The following MLLT1 variants were observed in gnomAD, a reference collection of about 807,000 sequenced individuals.
MLLT1 encodes the protein protein ENL.
MLLT1 carries 11 observed loss-of-function variants against 55.1 expected under a neutral mutation model. The ratio of observed to expected loss-of-function variants is 0.20; its 90% CI spans 0.13 to 0.33. MLLT1 has a LOEUF of 0.33. Ranked by LOEUF, MLLT1 falls within the 10% of genes least tolerant of loss-of-function variation. The pLI is 1.00. For synonymous variants in MLLT1, 323 were observed against 320.1 expected (o/e 1.01, Z -0.10); for missense variants, 536 against 760.6 (o/e 0.70, Z 3.47).
chr19:6,241,840 G>C (rs2091115797), intron 3 of MLLT1, among the ~76,000 whole-genome samples: 1 of 152,232 alleles, frequency 6.6e-6, no homozygotes, highest in Admixed American at 6.5e-5. Context: ...GCCCTGCCCT[G>C]GGTCCCCGCA....
rs1325245046 is a variant in MLLT1, at chr19:6,230,763, A to C, written c.277-50T>G. 1 of 1,605,930 alleles carries C rather than the reference A, an allele frequency of 6.2e-7. No homozygotes were observed. Reference sequence around the variant, plus strand: ...CTGCATCAGAGGGTGGCCGTGGTGCAGGGACACAGCTCCCCATTGGCCCTG... The same window carrying C: ...CTGCATCAGAGGGTGGCCGTGGTGCCGGGACACAGCTCCCCATTGGCCCTG... On this transcript the variant is annotated intron_variant, in intron 3 of 11. Coordinates refer to ENST00000252674, the MANE Select transcript of MLLT1 (RefSeq NM_005934.4). The surrounding 1 kb of genome is among the most constrained non-coding windows in gnomAD (Gnocchi z 9.0).
chr19:6,223,642 C>T (rs1368233083), intron 5 of MLLT1, among the ~76,000 whole-genome samples: 1 of 152,176 alleles, frequency 6.6e-6, no homozygotes, highest in African/African-American at 2.4e-5. Flanking sequence ...TGGGGGCTGC[C>T]AGCACCATGG....
At chr19:6,259,806 A>AAAAAAAAAC (rs1481352131) in intron 3 of MLLT1, 1 of 151,190 alleles carries the variant, frequency 6.6e-6, no homozygotes, top group African/African-American at 2.4e-5. Context: ...ACTTAAAAAA[A>AAAAAAAAAC]AAAAAAAAAA....
rs75213017 is a variant in MLLT1, at chr19:6,262,582, C to A, written c.194-272G>T. ...GTGAGAAGGAACGTTAGCCTGTCAT[C>A]GGGATACTTGCTCCTGCAGAGGATG... is the stretch of plus-strand genomic sequence containing the variant. On this transcript the variant is annotated intron_variant, in intron 2 of 11. Coordinates refer to ENST00000252674, the MANE Select transcript of MLLT1 (RefSeq NM_005934.4). The surrounding 1 kb of genome is among the most constrained non-coding windows in gnomAD (Gnocchi z 4.4). Among the ~76,000 whole-genome samples the A allele has an allele frequency of 1.3e-5, 2 of 152,182 alleles. No homozygotes were observed. The highest frequency in any genetic ancestry group is 4.1e-4 in the South Asian group (2 of 4,834).
rs1359947317 is a variant in MLLT1 at position 6,222,112 on chromosome 19, C to A, written c.1110+9G>T. 1 of 1,498,636 alleles carries A rather than the reference C, an allele frequency of 6.7e-7. No individual in the cohort carries two copies. The highest frequency in any genetic ancestry group is 1.4e-5 in the African/African-American group (1 of 70,810). The allele number at this position is 1,498,636 out of a possible 1,614,324, so 92.8% of individuals were successfully genotyped here. A position where few individuals can be genotyped will look rare whatever the true frequency, so the allele number is the denominator to read the frequency against. On this transcript the variant is annotated intron_variant, in intron 6 of 11. Coordinates refer to ENST00000252674, the MANE Select transcript of MLLT1 (RefSeq NM_005934.4). The surrounding 1 kb of genome is among the most constrained non-coding windows in gnomAD (Gnocchi z 4.1). ...GCACCTGGCTGCCCTGCCCCCAGCA[C>A]TCACTCACCTCGGACTTGAAGGAGG...
intron 3 of MLLT1, among the ~76,000 whole-genome samples, chr19:6,258,186 C>A (rs2091274751): frequency 6.6e-6 from 1 of 152,204 alleles, no homozygotes; most frequent in Non-Finnish European, 1.5e-5. Flanking sequence ...TACAAACACA[C>A]ACTCACACAC....
rs898514270 is a variant in MLLT1 at position 6,270,455 on chromosome 19, G to A, written c.193+124C>T. On this transcript the variant is annotated intron_variant, in intron 2 of 11. Transcript: ENST00000252674. This position sits in a 1 kb window ranked among gnomAD's most constrained non-coding sequence, Gnocchi z 7.1. ...CTCCAGTGCCCCCACGCCGAGGGAC[G>A]CAAGCTGGAACCTCATGGTTGGAGG... 13 of 1,044,042 alleles carry A rather than the reference G, an allele frequency of 1.2e-5. No homozygotes were observed. Among genetic ancestry groups the A allele is most frequent in the South Asian group, 5.0e-5 (3 of 60,270 alleles). 64.7% of individuals were successfully genotyped at this position (1,044,042 alleles called of 1,614,324 possible). A position where few individuals can be genotyped will look rare whatever the true frequency, so the allele number is the denominator to read the frequency against.
chr19:6,216,223 C>A (rs923571032), intron 8 of MLLT1, among the ~76,000 whole-genome samples, 182 bp downstream of exon 8: 3 of 152,186 alleles, frequency 2.0e-5, no homozygotes, highest in African/African-American at 4.8e-5. Context: ...AGAGGACACA[C>A]AGCCCCAGGC....
At position 6,262,192 on chromosome 19, in the gene MLLT1, G is replaced by C; in HGVS notation, c.276+36C>G. 8 of 1,572,138 alleles carry C rather than the reference G, an allele frequency of 5.1e-6. No homozygotes were observed. Among genetic ancestry groups the C allele is most frequent in the Non-Finnish European group, 6.1e-6 (7 of 1,142,392 alleles). ...GGCACCCGGAGCAGGGGTCCCCACAGAGAGGCATCCTGCTTGCTCCCCTCA... is the reference window on the plus strand; with the variant it reads ...GGCACCCGGAGCAGGGGTCCCCACACAGAGGCATCCTGCTTGCTCCCCTCA... On this transcript the variant is annotated intron_variant, in intron 3 of 11. Transcript: ENST00000252674. The surrounding 1 kb of genome is among the most constrained non-coding windows in gnomAD (Gnocchi z 4.4).
At chr19:6,257,264 T>C (rs2091264826) in intron 3 of MLLT1, among the ~76,000 whole-genome samples, 1 of 151,836 alleles carries the variant, frequency 6.6e-6, no homozygotes, top group African/African-American at 2.4e-5. Flanking sequence ...TCCCAGCTAG[T>C]TGGGAGGCTG....
At chr19:6,275,017 G>T (rs1012950989) in intron 1 of MLLT1, among the ~76,000 whole-genome samples, 1 of 152,236 alleles carries the variant, frequency 6.6e-6, no homozygotes, top group Non-Finnish European at 1.5e-5. Flanking sequence ...CCCAGGTGTG[G>T]GCTACAGCGG....
intron 3 of MLLT1, among the ~76,000 whole-genome samples, chr19:6,253,881 G>A (rs1402006551): frequency 2.6e-5 from 4 of 152,166 alleles, no homozygotes; most frequent in East Asian, 1.9e-4. Flanking sequence ...TCCTGGCACC[G>A]AGCTGCTAAA....
chr19:6,224,867 T>C lies in MLLT1; in HGVS notation c.546+2110A>G, dbSNP rs59911986. Among the ~76,000 whole-genome samples, 1,870 of 152,250 alleles carry C rather than the reference T, an allele frequency of 0.012. 75 individuals carry two copies. In the East Asian group the frequency reaches 0.13, roughly 11 times the overall value. On this transcript the variant is annotated intron_variant, in intron 5 of 11. Transcript: ENST00000252674. ...GCCTCAGCCTCCCGAGTAGCTGGGA[T>C]TACAGGCGCCCGCCACCACGCCCGG...
intron 5 of MLLT1, among the ~76,000 whole-genome samples, chr19:6,224,719 TTG>T (rs1314094971): frequency 6.6e-6 from 1 of 150,652 alleles, no homozygotes; most frequent in African/African-American, 2.4e-5. Context: ...TACGATTTTT[TTG>T]TTTGTTTGTT....
At chr19:6,213,232 C>G in intron 11 of MLLT1, 62 bp from the exon 12 acceptor site, 1 of 1,611,494 alleles carries the variant, frequency 6.2e-7, no homozygotes, top group Non-Finnish European at 8.5e-7. Context: ...GCCCTGTTCC[C>G]TAACAGAGGT....
chr19:6,244,022 T>C (rs1292006545), intron 3 of MLLT1, among the ~76,000 whole-genome samples: 4 of 126,986 alleles, frequency 3.1e-5, no homozygotes, highest in African/African-American at 1.2e-4. Context: ...CCAGCCTGGG[T>C]GACAGAGCAA....
rs767765438 is a variant in MLLT1 at position 6,270,205 on chromosome 19, C to T, written c.193+374G>A. On this transcript the variant is annotated intron_variant, in intron 2 of 11. Transcript: ENST00000252674. This position sits in a 1 kb window ranked among gnomAD's most constrained non-coding sequence, Gnocchi z 7.1. ...GACATGAGCTCCGGCATTCTTTCTG[C>T]CCCAAATATTGGGAATTCTTCACAT... 2.1e-5 allele frequency among the ~76,000 whole-genome samples: 3 copies of T among 142,114 alleles called. No homozygotes were observed. The highest frequency in any genetic ancestry group is 4.7e-5 in the Non-Finnish European group (3 of 63,914). 93.2% of individuals were successfully genotyped at this position (142,114 alleles called of 152,430 possible).
chr19:6,246,338 G>A (rs2091168330), intron 3 of MLLT1, among the ~76,000 whole-genome samples: 1 of 152,194 alleles, frequency 6.6e-6, no homozygotes, highest in African/African-American at 2.4e-5. Flanking sequence ...GTATGCAAAT[G>A]TTTAGGGCAG....
In MLLT1 at chr19:6,227,144, G is replaced by A. The variant is rs536339878; in HGVS notation, c.421-42C>T. The A allele has an allele frequency of 1.9e-6, 3 of 1,568,824 alleles. No homozygotes were observed. Among genetic ancestry groups the A allele is most frequent in the East Asian group, 2.5e-5 (1 of 40,448 alleles). On this transcript the variant is annotated intron_variant, in intron 4 of 11. Coordinates refer to ENST00000252674, the MANE Select transcript of MLLT1 (RefSeq NM_005934.4). The surrounding 1 kb of genome is among the most constrained non-coding windows in gnomAD (Gnocchi z 5.1). ...GACAGTCATTATCGATGGGCAGGGGGCAGGGGGCCCACACGGGCCGGGCTG... is the reference window on the plus strand; with the variant it reads ...GACAGTCATTATCGATGGGCAGGGGACAGGGGGCCCACACGGGCCGGGCTG...
Sources: gnomAD v4.1 joint callset for allele counts (sites outside exome capture counted in the v4.1 genomes callset) on GRCh38, gnomAD v4.1.1 for gene constraint, Gnocchi (gnomAD v3.1) non-coding constraint, MANE v1.5 for transcripts, NCBI Gene and HGNC (gene_info 2026-07-23, HGNC 2026-07-21) for gene names.